The following AFAP1 variants were observed in gnomAD, a reference collection of about 807,000 sequenced individuals.
The protein encoded by AFAP1 is actin filament-associated protein 1.
In AFAP1, 75 loss-of-function variants were observed where a neutral mutation model predicts 93.9. The ratio of observed to expected loss-of-function variants is 0.80; its 90% CI spans 0.66 to 0.97. The LOEUF (loss-of-function observed/expected upper bound fraction) is 0.97. Among genes scored for constraint, AFAP1 ranks in the 50% least tolerant of loss-of-function variants. AFAP1 has a pLI of 0.00. For synonymous variants in AFAP1, 517 were observed against 430.7 expected, an observed-to-expected ratio of 1.20 and a Z score of -2.48; for missense variants, 1,201 against 1,050.8, an observed-to-expected ratio of 1.14 and a Z score of -1.98.
chr4:7,865,746 C>T (rs1234657527), intron 3 of AFAP1, among the ~76,000 whole-genome samples: 1 of 152,220 alleles, frequency 6.6e-6, no homozygotes, highest in African/African-American at 2.4e-5. Flanking sequence ...CTCTGCTACA[C>T]CCAGCTGGCA....
intron 6 of AFAP1, among the ~76,000 whole-genome samples, chr4:7,835,112 T>G: frequency 1.6e-5 from 1 of 63,458 alleles, no homozygotes; most frequent in African/African-American, 6.9e-5. Context: ...GGCTCTTGAA[T>G]GGACTGCGGG....
At chr4:7,769,355 C>T (rs1269115542) in intron 16 of AFAP1, among the ~76,000 whole-genome samples, 1 of 152,174 alleles carries the variant, frequency 6.6e-6, no homozygotes, top group African/African-American at 2.4e-5. Flanking sequence ...TCCCTTTGTG[C>T]AGTGCTTTAA....
intron 11 of AFAP1, chr4:7,788,786 G>A (rs1007702656): frequency 7.7e-6 from 1 of 130,040 alleles, no homozygotes; most frequent in African/African-American, 3.4e-5. Flanking sequence ...CTGGCCACAG[G>A]GACCATCCCC....
chr4:7,832,376 C>T (rs969694169), intron 6 of AFAP1, among the ~76,000 whole-genome samples: 5 of 151,826 alleles, frequency 3.3e-5, no homozygotes, highest in African/African-American at 9.7e-5. Context: ...TGGCAGACAG[C>T]GGTGGGAGCC....
chr4:7,767,022 G>C (rs1009607452), intron 17 of AFAP1, among the ~76,000 whole-genome samples: 3 of 152,206 alleles, frequency 2.0e-5, no homozygotes, highest in African/African-American at 7.2e-5. Flanking sequence ...CCAAGTTTAC[G>C]ATACACAAGT....
chr4:7,772,804 C>A lies in AFAP1; in HGVS notation c.2253+16G>T, dbSNP rs1715618825. ...AGGCCGCGCCAGCCTCCGAGGTGAG[C>A]CAGAAGGACACACACCTGTGGACTC... On this transcript the variant is annotated intron_variant, in intron 16 of 17. Transcript: ENST00000420658. 1.2e-6 allele frequency: 2 copies of A among 1,609,740 alleles called. No homozygotes were observed. Among genetic ancestry groups the A allele is most frequent in the African/African-American group, 1.3e-5 (1 of 74,856 alleles).
At chr4:7,827,268 G>C (rs964507692) in intron 6 of AFAP1, among the ~76,000 whole-genome samples, 1 of 152,054 alleles carries the variant, frequency 6.6e-6, no homozygotes, top group African/African-American at 2.4e-5. Context: ...ACCTACAGAT[G>C]CAACTTCAAA....
At chr4:7,773,036 TC>T (rs1560148058) in intron 15 of AFAP1, 26 bp from the exon 16 acceptor site, 1 of 1,597,938 alleles carries the variant, frequency 6.3e-7, no homozygotes, top group South Asian at 1.1e-5. Context: ...ACGCCGTTAC[TC>T]CCGCGGCAGG....
intron 6 of AFAP1, among the ~76,000 whole-genome samples, chr4:7,834,491 TCCCCAATA>T (rs976307068): frequency 2.0e-5 from 3 of 152,106 alleles, no homozygotes; most frequent in Non-Finnish European, 2.9e-5. Flanking sequence ...CACCACCTGT[TCCCCAATA>T]ACCTATGGAA....
At chr4:7,816,735 T>C (rs954008494) in intron 7 of AFAP1, among the ~76,000 whole-genome samples, 3 of 152,184 alleles carry the variant, frequency 2.0e-5, no homozygotes, top group Admixed American at 6.5e-5. Context: ...TGTGGGGTCA[T>C]AGCGGAGGGA....
Position 7,800,652 on chromosome 4 carries a change from G to A in AFAP1, c.1056C>T (p.Gly352=). 7 of 1,614,196 alleles carry A rather than the reference G, an allele frequency of 4.3e-6. No homozygotes were observed. The highest frequency in any genetic ancestry group is 5.9e-6 in the Non-Finnish European group (7 of 1,180,030). ...SSAEEDVPTC[G]YLNVLSNSRW... ...GGCTGTTGGAGAGCACGTTCAGATA[G>A]CCTGCGGAGACACAAGGCCACAGGT... Residue 352 remains glycine (G), a splice_region_variant and synonymous_variant, in exon 10 of 18, where the codon GGC becomes GGT. Coordinates refer to ENST00000420658, the MANE Select transcript of AFAP1 (RefSeq NM_001134647.2).
chr4:7,889,704 T>TTAA (rs1553852349), intron 1 of AFAP1, among the ~76,000 whole-genome samples: 7 of 144,640 alleles, frequency 4.8e-5, no homozygotes, highest in African/African-American at 1.5e-4. Flanking sequence ...TTTTTTTTTT[T>TTAA]AAAAAAAGAA....
At chr4:7,894,607 G>A (rs1718662279) in intron 1 of AFAP1, among the ~76,000 whole-genome samples, 1 of 152,142 alleles carries the variant, frequency 6.6e-6, no homozygotes, top group Non-Finnish European at 1.5e-5. Flanking sequence ...GACAGAGGGG[G>A]CCTGGTCCAT....
chr4:7,877,713 C>T (rs28622214), intron 1 of AFAP1, among the ~76,000 whole-genome samples: 48,628 of 152,156 alleles, frequency 0.32, 9,235 homozygotes, highest in Non-Finnish European at 0.44. Context: ...ATTCCACAGA[C>T]TGTTTTCAGA....
intron 1 of AFAP1, among the ~76,000 whole-genome samples, chr4:7,934,471 A>C (rs1413756879): frequency 6.6e-6 from 1 of 152,240 alleles, no homozygotes; most frequent in Non-Finnish European, 1.5e-5. Flanking sequence ...TATATATGAC[A>C]GTATAACTTA....
chr4:7,870,739 C>A (rs187817755), intron 2 of AFAP1, among the ~76,000 whole-genome samples: 1 of 152,134 alleles, frequency 6.6e-6, no homozygotes, highest in African/African-American at 2.4e-5. Context: ...CAGGCCCCAT[C>A]GCCCACCCAG....
chr4:7,816,454 G>A (rs566824594), intron 7 of AFAP1, among the ~76,000 whole-genome samples: 5 of 151,870 alleles, frequency 3.3e-5, no homozygotes, highest in African/African-American at 4.8e-5. Flanking sequence ...TATTATCCTC[G>A]CAGAAGTAAA....
At chr4:7,769,606 A>G (rs865780962) in intron 16 of AFAP1, among the ~76,000 whole-genome samples, 18 of 151,464 alleles carry the variant, frequency 1.2e-4, no homozygotes, top group Non-Finnish European at 7.4e-5. Flanking sequence ...CGAGGCCCCC[A>G]TTGCTGGCTC....
intron 9 of AFAP1, among the ~76,000 whole-genome samples, chr4:7,801,034 G>A (rs934700439): frequency 1.3e-5 from 2 of 152,226 alleles, no homozygotes; most frequent in African/African-American, 2.4e-5. Context: ...ACTGGAAACC[G>A]ATTTCACTTA....
Sources: allele counts gnomAD v4.1 joint callset (sites outside exome capture counted in the v4.1 genomes callset), GRCh38; gene constraint gnomAD v4.1.1; transcripts MANE v1.5; gene names NCBI Gene and HGNC (gene_info 2026-07-23, HGNC 2026-07-21).